LRRC71: variants seen among roughly 807,000 people sequenced by gnomAD.
LRRC71 encodes the protein leucine rich repeat containing 71.
Under a neutral mutation model 66.6 loss-of-function variants are expected in LRRC71, and 54 were observed. The ratio of observed to expected loss-of-function variants is 0.81; its 90% CI spans 0.65 to 1.02. The LOEUF (loss-of-function observed/expected upper bound fraction) is 1.02, where lower values mean the gene tolerates loss of function less well. LRRC71 is among the 50% of genes least tolerant of loss of function. The pLI, the probability that LRRC71 is intolerant of heterozygous loss-of-function variation, is 0.00. For missense variants in LRRC71, 724 were observed against 718.0 expected, an observed-to-expected ratio of 1.01 and a Z score of -0.10; for synonymous variants, 323 against 303.9, an observed-to-expected ratio of 1.06 and a Z score of -0.65.
rs1019759689 is a variant in LRRC71, at chr1:156,929,459, G to A, written c.1146+30G>A. On this transcript the variant is annotated intron_variant, in intron 10 of 14. Coordinates refer to ENST00000337428, the MANE Select transcript of LRRC71 (RefSeq NM_144702.3). Reference sequence around the variant, plus strand: ...GTGTGCAATGGGACAGATCCTGGGTGCTGGACGGACAGGGGAGGGGGCTTC... The same window carrying A: ...GTGTGCAATGGGACAGATCCTGGGTACTGGACGGACAGGGGAGGGGGCTTC... 4.3e-6 allele frequency: 7 copies of A among 1,613,388 alleles called. No individual in the cohort carries two copies. The Admixed American group carries it at 8.3e-5, about 19-fold the overall frequency.
At chr1:156,921,536 G>A (rs113028482) in intron 1 of LRRC71, 45 of 708,670 alleles carry the variant, frequency 6.3e-5, no homozygotes, top group Non-Finnish European at 7.4e-5. Context: ...CTCTGGAATC[G>A]AAGTAAAACA....
In LRRC71 at chr1:156,920,764, C is replaced by T; in HGVS notation, c.-40C>T. Reference sequence around the variant, plus strand: ...CGTAGAGTGCGTTCTTACCTTCCTGCCCCGACGAAGGTCCCAGAGACGCTG... The same window carrying T: ...CGTAGAGTGCGTTCTTACCTTCCTGTCCCGACGAAGGTCCCAGAGACGCTG... On this transcript the variant is annotated 5_prime_UTR_variant, in exon 1 of 15. Transcript: ENST00000337428. This position sits in a 1 kb window ranked among gnomAD's most constrained non-coding sequence, Gnocchi z 4.9. 1 of 1,469,588 alleles carries T rather than the reference C, an allele frequency of 6.8e-7. No homozygotes were observed. Among genetic ancestry groups the T allele is most frequent in the Non-Finnish European group, 9.0e-7 (1 of 1,106,796 alleles). 91.0% of individuals were successfully genotyped at this position (1,469,588 alleles called of 1,614,324 possible). A position where few individuals can be genotyped will look rare whatever the true frequency, so the allele number is the denominator to read the frequency against.
At chr1:156,936,885 G>A (rs1474559875), downstream of LRRC71, 1 of 1,614,196 alleles carries the variant, frequency 6.2e-7, no homozygotes, top group East Asian at 2.2e-5. Flanking sequence ...TTAGCGGGAG[G>A]TGAGAGGGAG....
chr1:156,938,944 T>G, the LRRC71 span: 1 of 189,548 alleles, frequency 5.3e-6, no homozygotes, highest in Non-Finnish European at 1.1e-5. Context: ...TCTATTGGCC[T>G]CCCTGTGAGC....
the LRRC71 span, chr1:156,939,923 CAG>C: frequency 6.3e-7 from 1 of 1,599,246 alleles, no homozygotes. Context: ...GGAGGGGAAA[CAG>C]GGTGATGTCT....
rs112139912 is a variant in LRRC71 at position 156,930,587 on chromosome 1, A to G, written c.1299A>G (p.Arg433=). ...CAAAAGGGATCAAGATCGGGAGCAG[A>G]GAGAAGCGCAGCATCCTCCTGGAGT... ...SRAKGIKIGS[R]EKRSILLESE... Residue 433 remains arginine (R), a synonymous_variant, in exon 12 of 15, where the codon AGA becomes AGG. Coordinates refer to ENST00000337428, the MANE Select transcript of LRRC71 (RefSeq NM_144702.3). 483 of 1,567,826 alleles carry G rather than the reference A, an allele frequency of 3.1e-4. 2 individuals carry two copies. The Middle Eastern group carries it at 5.3e-3, about 17-fold the overall frequency.
chr1:156,933,042 C>T lies in LRRC71; in HGVS notation c.*73C>T. On this transcript the variant is annotated 3_prime_UTR_variant, in exon 15 of 15. Transcript: ENST00000337428. ...TCCTGTCCCTGTGTGGGGTGACCTC[C>T]CTGGGGGAGATCTCAGACCAATAAC... is the stretch of plus-strand genomic sequence containing the variant. 5 of 1,076,388 alleles carry T rather than the reference C, an allele frequency of 4.6e-6. No homozygotes were observed. Among genetic ancestry groups the T allele is most frequent in the Non-Finnish European group, 6.8e-6 (5 of 735,752 alleles). The allele number at this position is 1,076,388 out of a possible 1,614,324, so 66.7% of individuals were successfully genotyped here.
downstream of LRRC71, chr1:156,934,846 A>G (rs754107319): frequency 2.4e-4 from 37 of 151,570 alleles, no homozygotes; most frequent in Non-Finnish European, 5.2e-4. Flanking sequence ...CCACTGAAGG[A>G]TATTTAACTT....
At chr1:156,926,524 TG>T (rs913964583) in intron 5 of LRRC71, among the ~76,000 whole-genome samples, 1 of 151,968 alleles carries the variant, frequency 6.6e-6, no homozygotes, top group African/African-American at 2.4e-5. Flanking sequence ...TCTTCTGCCA[TG>T]TTCTGTTCAT....
rs186255976 is a variant in LRRC71 at position 156,929,498 on chromosome 1, G to A, written c.1146+69G>A. ...GGAGGGGGCTTCCATCATGTACAGAGGTGGTGGAGGGAAGAAGGCCACATG... is the reference window on the plus strand; with the variant it reads ...GGAGGGGGCTTCCATCATGTACAGAAGTGGTGGAGGGAAGAAGGCCACATG... On this transcript the variant is annotated intron_variant, in intron 10 of 14. Transcript: ENST00000337428. The A allele has an allele frequency of 2.7e-4, 433 of 1,598,072 alleles. No individual in the cohort carries two copies. In the African/African-American group the frequency reaches 5.3e-3, roughly 20 times the overall value.
intron 13 of LRRC71, 122 bp downstream of exon 13, chr1:156,932,149 C>T (rs1557796457): frequency 1.2e-6 from 1 of 820,414 alleles, no homozygotes; most frequent in Non-Finnish European, 2.0e-6. Context: ...GCTACATGTC[C>T]CCCAAGGCTC....
chr1:156,939,378 A>C, the LRRC71 span: 6 of 891,262 alleles, frequency 6.7e-6, no homozygotes, highest in Admixed American at 5.0e-5. Context: ...CGAATGTCCA[A>C]CTCCAAAGCC....
In LRRC71 at chr1:156,920,950, G is replaced by A; in HGVS notation, c.147G>A (p.Glu49=). The part of the protein sequence containing the change: ...ATVLPPVGEE[E]PKSPEEYQCS... ...TTCTGCCTCCCGTGGGGGAGGAGGA[G>A]CCCAAAAGCCCTGGTACGCTGGCGC... Residue 49 remains glutamate (E), a synonymous_variant, in exon 1 of 15, where the codon GAG becomes GAA. Coordinates refer to ENST00000337428, the MANE Select transcript of LRRC71 (RefSeq NM_144702.3). This position sits in a 1 kb window ranked among gnomAD's most constrained non-coding sequence, Gnocchi z 4.9. 1.3e-6 allele frequency: 2 copies of A among 1,526,016 alleles called. No individual in the cohort carries two copies. The highest frequency in any genetic ancestry group is 1.8e-6 in the Non-Finnish European group (2 of 1,134,876). 94.5% of individuals were successfully genotyped at this position (1,526,016 alleles called of 1,614,324 possible).
intron 1 of LRRC71, 21 bp from the exon 2 acceptor site, chr1:156,923,928 C>T (rs1039358510): frequency 6.9e-7 from 1 of 1,453,008 alleles, no homozygotes; most frequent in African/African-American, 1.4e-5. Context: ...CCTTCTCTCA[C>T]GCCCCTGCCT....
downstream of LRRC71, chr1:156,936,166 C>A: frequency 8.6e-7 from 1 of 1,162,034 alleles, no homozygotes; most frequent in South Asian, 1.2e-5. Context: ...CATCACCTTC[C>A]TTCTCCTCCA....
chr1:156,928,393 T>TTCTTCTTCTTCTTC (rs1653635826), intron 9 of LRRC71, among the ~76,000 whole-genome samples: 1 of 139,172 alleles, frequency 7.2e-6, no homozygotes, highest in Non-Finnish European at 1.5e-5. Context: ...CTTCTTCTTC[T>TTCTTCTTCTTCTTC]TCTTCTTCTT....
the LRRC71 span, chr1:156,938,720 G>A: frequency 1.9e-6 from 1 of 513,366 alleles, no homozygotes; most frequent in Non-Finnish European, 3.4e-6. Context: ...AGAGAAGGAA[G>A]GTCAGTTCCC....
intron 9 of LRRC71, among the ~76,000 whole-genome samples, chr1:156,928,408 C>CTTCTTCTTCTTCTTCTTCTTCT (rs1491124092): frequency 2.2e-3 from 77 of 34,456 alleles, no homozygotes; most frequent in East Asian, 5.5e-3. Flanking sequence ...CTTCTTCTTC[C>CTTCTTCTTCTTCTTCTTCTTCT]TCTTATTCCT....
chr1:156,927,463 C>A (rs1313016071), intron 6 of LRRC71, 33 bp from the exon 7 acceptor site: 2 of 1,520,686 alleles, frequency 1.3e-6, no homozygotes, highest in South Asian at 2.6e-5. Context: ...GTACCTTTTC[C>A]AGCGACCCAC....
Sources: gnomAD v4.1 joint callset for allele counts (sites outside exome capture counted in the v4.1 genomes callset) on GRCh38, gnomAD v4.1.1 for gene constraint, Gnocchi (gnomAD v3.1) non-coding constraint, MANE v1.5 for transcripts, NCBI Gene and HGNC (gene_info 2026-07-23, HGNC 2026-07-21) for gene names.